DLG2: variants seen among roughly 807,000 people sequenced by gnomAD.
The protein encoded by DLG2 is discs large MAGUK scaffold protein 2, also known as disks large homolog 2.
DLG2 carries 45 observed loss-of-function variants against 132.5 expected under a neutral mutation model. That is an observed-to-expected ratio of 0.34 (90% CI 0.27 to 0.44). The LOEUF is 0.44. DLG2 is among the 20% of genes least tolerant of loss of function. The probability of loss-of-function intolerance (pLI) is 1.00; values close to 1 mark genes in which losing one functional copy is unlikely to be tolerated. For synonymous variants in DLG2, 424 were observed against 419.6 expected, an observed-to-expected ratio of 1.01 and a Z score of -0.13; for missense variants, 1,045 against 1,196.9, an observed-to-expected ratio of 0.87 and a Z score of 1.87.
chr11:83,701,861 T>G (rs1231348807), intron 18 of DLG2, among the ~76,000 whole-genome samples: 2 of 152,222 alleles, frequency 1.3e-5, no homozygotes, highest in African/African-American at 4.8e-5. Flanking sequence ...TGGAGAGGCC[T>G]AGGGGCCACA....
At chr11:85,353,636 C>T (rs2152885866) in intron 3 of DLG2, among the ~76,000 whole-genome samples, 1 of 152,294 alleles carries the variant, frequency 6.6e-6, no homozygotes, top group Admixed American at 6.5e-5. Flanking sequence ...GGCACATATA[C>T]ACCATGGAAT....
intron 7 of DLG2, among the ~76,000 whole-genome samples, chr11:84,448,925 C>T (rs1355692095): frequency 6.6e-6 from 1 of 151,892 alleles, no homozygotes; most frequent in Non-Finnish European, 1.5e-5. Context: ...ATGAATGAAG[C>T]ATATCACTTG....
intron 5 of DLG2, among the ~76,000 whole-genome samples, chr11:85,146,105 C>T (rs1421710437): frequency 1.3e-5 from 2 of 152,106 alleles, no homozygotes; most frequent in Non-Finnish European, 2.9e-5. Flanking sequence ...CCTAGAGGTA[C>T]CACCTTGGTA....
intron 4 of DLG2, among the ~76,000 whole-genome samples, chr11:85,159,508 T>C (rs1361259416): frequency 6.6e-6 from 1 of 152,222 alleles, no homozygotes; most frequent in East Asian, 1.9e-4. Context: ...ACTTGAAAGA[T>C]GCAGGGGTGG....
intron 21 of DLG2, among the ~76,000 whole-genome samples, chr11:83,513,268 C>T (rs1254456649): frequency 6.6e-6 from 1 of 152,198 alleles, no homozygotes; most frequent in Non-Finnish European, 1.5e-5. Context: ...TTGCAGTTCT[C>T]TGATGGCCAG....
At chr11:85,356,154 C>T (rs1478335237) in intron 3 of DLG2, among the ~76,000 whole-genome samples, 1 of 152,200 alleles carries the variant, frequency 6.6e-6, no homozygotes, top group African/African-American at 2.4e-5. Flanking sequence ...ACAGACTCTC[C>T]ATTTGTTGCC....
chr11:84,500,714 T>A (rs2099201646), intron 7 of DLG2, among the ~76,000 whole-genome samples: 1 of 152,166 alleles, frequency 6.6e-6, no homozygotes, highest in African/African-American at 2.4e-5. Flanking sequence ...AAGGCATCAA[T>A]GCCCTCAAAT....
chr11:84,955,349 CTT>C (rs953710535), intron 6 of DLG2: 4 of 152,192 alleles, frequency 2.6e-5, no homozygotes, highest in African/African-American at 9.7e-5. Context: ...GATGAGAAGA[CTT>C]TGGCCAAGAT....
chr11:85,549,015 G>A (rs55933855), intron 3 of DLG2, among the ~76,000 whole-genome samples: 30,971 of 151,582 alleles, frequency 0.2, 3,613 homozygotes, highest in East Asian at 0.31. Flanking sequence ...TCTCAGTGGC[G>A]TTCTGAGCAC....
At chr11:85,367,807 C>A (rs988379011) in intron 3 of DLG2, among the ~76,000 whole-genome samples, 1 of 152,070 alleles carries the variant, frequency 6.6e-6, no homozygotes, top group Non-Finnish European at 1.5e-5. Context: ...TCGGTTGCAT[C>A]TTTTATTTAT....
At chr11:84,853,087 C>A (rs188063142) in intron 6 of DLG2, among the ~76,000 whole-genome samples, 267 of 152,096 alleles carry the variant, frequency 1.8e-3, no homozygotes, top group Admixed American at 5.2e-3. Context: ...GTATTAACTT[C>A]AGTTTTATTG....
intron 3 of DLG2, among the ~76,000 whole-genome samples, chr11:85,417,124 C>A (rs550233990): frequency 2.0e-5 from 3 of 152,040 alleles, no homozygotes; most frequent in East Asian, 1.9e-4. Context: ...TCCATCAATA[C>A]CCTTGTTTAT....
intron 15 of DLG2, among the ~76,000 whole-genome samples, chr11:83,920,023 C>T (rs1032620384): frequency 6.6e-6 from 1 of 152,164 alleles, no homozygotes; most frequent in East Asian, 1.9e-4. Context: ...GGGCTGAAAT[C>T]TAGTCTGAAT....
chr11:85,047,364 TAAGAC>T (rs1216573662), intron 6 of DLG2, among the ~76,000 whole-genome samples: 2 of 151,882 alleles, frequency 1.3e-5, no homozygotes, highest in African/African-American at 2.4e-5. Flanking sequence ...TGCTAGCAAA[TAAGAC>T]AAGAACATTT....
Position 85,335,712 on chromosome 11 carries a change from C to G in DLG2, c.41-50347G>C, listed in dbSNP as rs971526158. ...TAAAATGCTTGGATGACAAACACCGCATGTTCTCACTCATAATTGTGAGTT... is the reference window on the plus strand; with the variant it reads ...TAAAATGCTTGGATGACAAACACCGGATGTTCTCACTCATAATTGTGAGTT... On this transcript the variant is annotated intron_variant, in intron 3 of 27. Coordinates refer to ENST00000376104, the MANE Select transcript of DLG2 (RefSeq NM_001142699.3). Among the ~76,000 whole-genome samples, 6 of 151,980 alleles carry G rather than the reference C, an allele frequency of 3.9e-5. 1 individual carries two copies. The highest frequency in any genetic ancestry group is 4.2e-4 in the South Asian group (2 of 4,814).
intron 6 of DLG2, among the ~76,000 whole-genome samples, chr11:84,819,991 T>A (rs1329160880): frequency 1.3e-5 from 2 of 150,430 alleles, no homozygotes; most frequent in Non-Finnish European, 3.0e-5. Context: ...CCAGGAAAAA[T>A]TCTACTTTTC....
intron 3 of DLG2, among the ~76,000 whole-genome samples, chr11:85,525,460 A>C (rs536326812): frequency 5.9e-5 from 9 of 152,282 alleles, no homozygotes; most frequent in African/African-American, 1.9e-4. Context: ...AAAAATAAAG[A>C]ATGTAAAGAT....
chr11:85,559,618 A>C (rs115731569), intron 3 of DLG2, among the ~76,000 whole-genome samples: 2,146 of 151,700 alleles, frequency 0.014, 59 homozygotes, highest in African/African-American at 0.048. Context: ...ACCTAAAAAA[A>C]TTCTCAAAAA....
At chr11:83,775,625 T>C (rs1188054743) in intron 18 of DLG2, among the ~76,000 whole-genome samples, 1 of 152,178 alleles carries the variant, frequency 6.6e-6, no homozygotes, top group African/African-American at 2.4e-5. Flanking sequence ...TCTACATCTT[T>C]CTTTTTCTCT....
Sources: allele counts gnomAD v4.1 joint callset (sites outside exome capture counted in the v4.1 genomes callset), GRCh38; gene constraint gnomAD v4.1.1; transcripts MANE v1.5; gene names NCBI Gene and HGNC (gene_info 2026-07-23, HGNC 2026-07-21).